SNAP91: variants seen among roughly 807,000 people sequenced by gnomAD.
The protein encoded by SNAP91 is synaptosome associated protein 91.
Under a neutral mutation model 100.3 loss-of-function variants are expected in SNAP91, and 27 were observed. The observed-to-expected ratio is 0.27, with a 90% CI of 0.20 to 0.37. SNAP91 has a LOEUF of 0.37. SNAP91 is among the 10% of genes least tolerant of loss of function. SNAP91 has a pLI of 1.00. For missense variants in SNAP91, 986 were observed against 1,123.7 expected (o/e 0.88, Z 1.75); for synonymous variants, 404 against 398.6 (o/e 1.01, Z -0.16).
chr6:83,633,198 T>G (rs2128486039), intron 8 of SNAP91, among the ~76,000 whole-genome samples: 1 of 152,306 alleles, frequency 6.6e-6, no homozygotes, highest in African/African-American at 2.4e-5. Flanking sequence ...TCCAGGCTGG[T>G]ACTGGGGGGT....
At chr6:83,675,793 A>C (rs986284062) in intron 2 of SNAP91, among the ~76,000 whole-genome samples, 2 of 147,226 alleles carry the variant, frequency 1.4e-5, no homozygotes, top group Non-Finnish European at 3.0e-5. Flanking sequence ...AATGCAAGCA[A>C]AGTATATAGC....
At chr6:83,644,617 G>A (rs2097845980) in intron 7 of SNAP91, among the ~76,000 whole-genome samples, 1 of 152,092 alleles carries the variant, frequency 6.6e-6, no homozygotes, top group African/African-American at 2.4e-5. Context: ...AAGGATAATT[G>A]TCCTAGGAAA....
chr6:83,704,829 GCT>G (rs991309685), intron 2 of SNAP91, among the ~76,000 whole-genome samples: 4 of 152,052 alleles, frequency 2.6e-5, no homozygotes, highest in East Asian at 1.9e-4. Flanking sequence ...TATATTTTGT[GCT>G]CTTTTTCTCC....
chr6:83,602,320 G>C (rs1184912439), intron 14 of SNAP91, among the ~76,000 whole-genome samples: 5 of 152,078 alleles, frequency 3.3e-5, no homozygotes, highest in African/African-American at 1.2e-4. Flanking sequence ...ATTACAATGT[G>C]TCCCCTGAAA....
intron 26 of SNAP91, among the ~76,000 whole-genome samples, chr6:83,573,766 T>A (rs943890194): frequency 7.9e-5 from 12 of 152,318 alleles, no homozygotes; most frequent in African/African-American, 2.9e-4. Flanking sequence ...AAGCTGAAAC[T>A]GGATCCCTTC....
intron 26 of SNAP91, among the ~76,000 whole-genome samples, chr6:83,562,249 C>T (rs189342963): frequency 1.5e-4 from 23 of 152,050 alleles, no homozygotes; most frequent in South Asian, 4.2e-4. Flanking sequence ...AACTACAGCG[C>T]GATATTCCTT....
At chr6:83,587,081 C>T (rs2092790938) in intron 22 of SNAP91, among the ~76,000 whole-genome samples, 1 of 151,914 alleles carries the variant, frequency 6.6e-6, no homozygotes, top group Non-Finnish European at 1.5e-5. Context: ...TCAAGACTAT[C>T]TAGTTAGTCT....
chr6:83,660,002 T>C (rs1003180824), intron 5 of SNAP91, among the ~76,000 whole-genome samples: 3 of 152,166 alleles, frequency 2.0e-5, no homozygotes, highest in South Asian at 2.1e-4. Context: ...AGCCCTTGTA[T>C]CCAGTGATGG....
At chr6:83,643,594 T>C (rs1308238005) in intron 7 of SNAP91, among the ~76,000 whole-genome samples, 13 of 152,114 alleles carry the variant, frequency 8.5e-5, no homozygotes, top group Admixed American at 8.5e-4. Context: ...TTACATATGC[T>C]ATTTTAATAT....
chr6:83,690,290 A>T lies in SNAP91; in HGVS notation c.130+17508T>A, dbSNP rs376194366. ...AATACTGTGATCCAAAACAAATGTA[A>T]CATATTTCTGAAGTATTTCTCCTTT... On this transcript the variant is annotated intron_variant, in intron 2 of 29. Coordinates refer to ENST00000369694, the MANE Select transcript of SNAP91 (RefSeq NM_001242792.2). 4.1e-6 allele frequency: 5 copies of T among 1,206,160 alleles called. No homozygotes were observed. In the East Asian group the frequency reaches 3.0e-4, roughly 73 times the overall value. The allele number at this position is 1,206,160 out of a possible 1,614,324, so 74.7% of individuals were successfully genotyped here. A position where few individuals can be genotyped will look rare whatever the true frequency, so the allele number is the denominator to read the frequency against.
At chr6:83,602,745 T>C (rs989114172) in intron 14 of SNAP91, among the ~76,000 whole-genome samples, 9 of 152,164 alleles carry the variant, frequency 5.9e-5, no homozygotes, top group Non-Finnish European at 1.3e-4. Flanking sequence ...ATGTTGCAGT[T>C]GTAGATGTTT....
At position 83,628,371 on chromosome 6, in the gene SNAP91, C is replaced by G. The variant is rs143760980; in HGVS notation, c.766-5029G>C. On this transcript the variant is annotated intron_variant, in intron 8 of 29. Transcript: ENST00000369694. ...TGACTTCTTTTCCCCTGGGTAGATA[C>G]CCACTAGTGGGATTGCTGGATCAAA... Among the ~76,000 whole-genome samples the G allele has an allele frequency of 3.0e-3, 462 of 151,686 alleles. 2 individuals carry two copies. The highest frequency in any genetic ancestry group is 0.01 in the African/African-American group (434 of 41,356).
At chr6:83,581,969 T>C (rs766797919) in intron 23 of SNAP91, among the ~76,000 whole-genome samples, 1 of 152,228 alleles carries the variant, frequency 6.6e-6, no homozygotes. Context: ...ATAGATGGTG[T>C]GCAGGTTAAG....
chr6:83,590,983 A>C (rs981122559), intron 22 of SNAP91, among the ~76,000 whole-genome samples: 8 of 152,140 alleles, frequency 5.3e-5, no homozygotes, highest in African/African-American at 1.2e-4. Context: ...GATTTGTTAC[A>C]TGGGTGTACT....
At chr6:83,683,583 G>A (rs1350651611) in intron 2 of SNAP91, among the ~76,000 whole-genome samples, 1 of 152,146 alleles carries the variant, frequency 6.6e-6, no homozygotes, top group African/African-American at 2.4e-5. Context: ...CCAGAAGCAG[G>A]TGCTGGCGCC....
Position 83,556,196 on chromosome 6 carries a change from G to A in SNAP91, c.2681C>T (p.Ala894Val). ...PASQSPKKPP[A>V]KDPLADLNIK... is the part of the protein sequence containing the mutation. ...GTTAAGATCCGCTAATGGGTCCTTT[G>A]CTGGAGGTTTCTTGGGACTCTGACT... The change falls in exon 29 of 30, where the codon GCA becomes GTA. Residue 894 changes from alanine (A) to valine (V), a missense_variant. By Grantham distance (64) the Ala-to-Val change is moderately conservative. Coordinates refer to ENST00000369694, the MANE Select transcript of SNAP91 (RefSeq NM_001242792.2). 6.3e-7 allele frequency: 1 copy of A among 1,577,020 alleles called. No homozygotes were observed. The highest frequency in any genetic ancestry group is 8.6e-7 in the Non-Finnish European group (1 of 1,161,132).
intron 8 of SNAP91, among the ~76,000 whole-genome samples, chr6:83,635,926 T>A (rs571947378): frequency 6.6e-6 from 1 of 152,358 alleles, no homozygotes; most frequent in Admixed American, 6.5e-5. Context: ...CTTTCACTTA[T>A]GAAGCTTAGT....
chr6:83,629,171 T>TA (rs770798695), intron 8 of SNAP91, among the ~76,000 whole-genome samples: 1 of 152,184 alleles, frequency 6.6e-6, no homozygotes, highest in Non-Finnish European at 1.5e-5. Flanking sequence ...CAGTAAGCTG[T>TA]AAGTATTTGG....
intron 2 of SNAP91, chr6:83,678,687 T>C: frequency 8.7e-7 from 1 of 1,153,176 alleles, no homozygotes; most frequent in Non-Finnish European, 1.2e-6. Context: ...GATCTAACCT[T>C]CTACCTTCCA....
Sources: allele counts gnomAD v4.1 joint callset (sites outside exome capture counted in the v4.1 genomes callset), GRCh38; gene constraint gnomAD v4.1.1; transcripts MANE v1.5; gene names NCBI Gene and HGNC (gene_info 2026-07-23, HGNC 2026-07-21).